Variants in PDHX observed in about 807,000 individuals in gnomAD.
PDHX encodes pyruvate dehydrogenase protein X component, mitochondrial.
A neutral mutation model predicts 55.3 loss-of-function variants in PDHX; 33 were observed. The observed-to-expected ratio is 0.60, with a 90% CI of 0.45 to 0.80. The LOEUF (loss-of-function observed/expected upper bound fraction) is 0.80, where lower values mean the gene tolerates loss of function less well. Ranked by LOEUF, PDHX falls within the 30% of genes least tolerant of loss-of-function variation. The pLI, the probability that PDHX is intolerant of heterozygous loss-of-function variation, is 0.00. For missense variants in PDHX, 622 were observed against 619.9 expected (o/e 1.00, Z -0.04); for synonymous variants, 226 against 219.4 (o/e 1.03, Z -0.27).
At chr11:34,936,791 T>TTTTC (rs1854326473) in intron 2 of PDHX, among the ~76,000 whole-genome samples, 1 of 118,444 alleles carries the variant, frequency 8.4e-6, no homozygotes, top group Non-Finnish European at 1.7e-5. Context: ...TTCTTTTTTT[T>TTTTC]TTTTTTTTTT....
chr11:34,955,607 T>C (rs1854888051), intron 3 of PDHX, among the ~76,000 whole-genome samples: 1 of 152,172 alleles, frequency 6.6e-6, no homozygotes, highest in Non-Finnish European at 1.5e-5. Flanking sequence ...TTATTTGATA[T>C]TTAGATAATG....
chr11:34,960,116 A>G (rs1854992296), intron 4 of PDHX, among the ~76,000 whole-genome samples: 1 of 152,218 alleles, frequency 6.6e-6, no homozygotes, highest in African/African-American at 2.4e-5. Flanking sequence ...GAAGGAAACA[A>G]TTGGTAGTTG....
chr11:34,922,242 ACT>A (rs1853900319), intron 1 of PDHX, among the ~76,000 whole-genome samples: 1 of 152,200 alleles, frequency 6.6e-6, no homozygotes, highest in African/African-American at 2.4e-5. Context: ...GGAATCACTA[ACT>A]CTGAGTACAT....
At position 34,957,572 on chromosome 11, in the gene PDHX, C is replaced by T. The variant is rs76486106; in HGVS notation, c.531C>T (p.Pro177=). 3.4e-3 allele frequency: 5,493 copies of T among 1,611,622 alleles called. 137 individuals carry two copies. In the African/African-American group the frequency reaches 0.058, roughly 17 times the overall value. Residue 177 remains proline, a synonymous_variant, in exon 4 of 11, where the codon CCC becomes CCT. Coordinates refer to ENST00000227868, the MANE Select transcript of PDHX (RefSeq NM_003477.3). Reference sequence around the variant, plus strand: ...TCCCTGTCAAGAAGGAACACATACCCGGGACACTACGGTGAGTATATATTT... The same window carrying T: ...TCCCTGTCAAGAAGGAACACATACCTGGGACACTACGGTGAGTATATATTT... ...ISIPVKKEHI[P]GTLRFRLSPA...
In PDHX at chr11:34,948,708, C is replaced by G. The variant is rs548557296; in HGVS notation, c.342+1102C>G. Among the ~76,000 whole-genome samples, 6 of 151,544 alleles carry G rather than the reference C, an allele frequency of 4.0e-5. No individual in the cohort carries two copies. The South Asian group carries it at 1.3e-3, about 32-fold the overall frequency. ...AACATGTTGATAATACAGTTAACTT[C>G]CTTGTAGGAATATGAATCAAAGCCT... is the stretch of plus-strand genomic sequence containing the variant. On this transcript the variant is annotated intron_variant, in intron 3 of 10. Coordinates refer to ENST00000227868, the MANE Select transcript of PDHX (RefSeq NM_003477.3).
chr11:34,933,583 C>T (rs1253374251), intron 2 of PDHX, among the ~76,000 whole-genome samples: 1 of 152,166 alleles, frequency 6.6e-6, no homozygotes, highest in Admixed American at 6.5e-5. Context: ...AATTTTCTAG[C>T]TCTTTCCCCT....
chr11:34,979,700 A>G (rs1230808052), intron 8 of PDHX, among the ~76,000 whole-genome samples: 1 of 152,148 alleles, frequency 6.6e-6, no homozygotes, highest in Non-Finnish European at 1.5e-5. Flanking sequence ...TGTGATTGAT[A>G]TCATTAATTG....
chr11:34,973,181 T>C (rs980461824), intron 7 of PDHX, among the ~76,000 whole-genome samples: 1 of 152,198 alleles, frequency 6.6e-6, no homozygotes, highest in African/African-American at 2.4e-5. Context: ...TTATGTCATG[T>C]CCTTATCTAT....
intron 9 of PDHX, among the ~76,000 whole-genome samples, chr11:34,988,946 T>G (rs1020236496): frequency 6.6e-6 from 1 of 152,238 alleles, no homozygotes; most frequent in Non-Finnish European, 1.5e-5. Flanking sequence ...AATTAAACTT[T>G]ATCATAATTG....
chr11:34,976,587 A>G (rs148103165), intron 7 of PDHX, among the ~76,000 whole-genome samples: 50 of 152,292 alleles, frequency 3.3e-4, no homozygotes, highest in African/African-American at 1.2e-3. Context: ...AAACCTTGGA[A>G]TTGGAACTGG....
At chr11:34,951,171 C>T (rs903537417) in intron 3 of PDHX, among the ~76,000 whole-genome samples, 1 of 151,282 alleles carries the variant, frequency 6.6e-6, no homozygotes, top group Non-Finnish European at 1.5e-5. Flanking sequence ...ATTCTCCTGC[C>T]TCAGCCTCCC....
chr11:34,966,823 C>T lies in PDHX; in HGVS notation c.816+9C>T, dbSNP rs1335485398. 1 of 1,606,576 alleles carries T rather than the reference C, an allele frequency of 6.2e-7. No individual in the cohort carries two copies. The highest frequency in any genetic ancestry group is 8.5e-7 in the Non-Finnish European group (1 of 1,173,324). ...GACAACCCAATGCAGTGGTAGTGTT[C>T]TCTAAGTGGATTTTTATTTCTTTTT... On this transcript the variant is annotated intron_variant, in intron 6 of 10. Coordinates refer to ENST00000227868, the MANE Select transcript of PDHX (RefSeq NM_003477.3).
intron 9 of PDHX, among the ~76,000 whole-genome samples, chr11:34,985,591 C>T (rs1855622887): frequency 6.6e-6 from 1 of 152,198 alleles, no homozygotes; most frequent in Non-Finnish European, 1.5e-5. Flanking sequence ...AGTAGGGCAG[C>T]TTTGACAGCC....
rs531969336 is a variant in PDHX at position 34,925,087 on chromosome 11, GT to G, written c.161-6311del. Among the ~76,000 whole-genome samples the G allele has an allele frequency of 7.9e-4, 120 of 152,208 alleles. 2 individuals are homozygous for G. Among genetic ancestry groups the G allele is most frequent in the Admixed American group, 1.2e-3 (18 of 15,296 alleles). On this transcript the variant is annotated intron_variant, in intron 1 of 10. Coordinates refer to ENST00000227868, the MANE Select transcript of PDHX (RefSeq NM_003477.3). Reference sequence around the variant, plus strand: ...TTGCTGCCCTTTAAATTTTTAGTTAGTTTTTTCTGTGATAATTTCTAATTTA... The same window carrying G: ...TTGCTGCCCTTTAAATTTTTAGTTAGTTTTTCTGTGATAATTTCTAATTTA...
intron 4 of PDHX, among the ~76,000 whole-genome samples, chr11:34,958,115 C>T (rs990251690): frequency 6.6e-6 from 1 of 152,162 alleles, no homozygotes; most frequent in African/African-American, 2.4e-5. Flanking sequence ...TTTAGTTTTA[C>T]ATTGCTTTAA....
At chr11:34,936,789 T>C (rs1401260692) in intron 2 of PDHX, among the ~76,000 whole-genome samples, 1 of 120,976 alleles carries the variant, frequency 8.3e-6, no homozygotes, top group South Asian at 3.1e-4. Flanking sequence ...TTTTCTTTTT[T>C]TTTTTTTTTT....
chr11:34,948,857 A>G (rs1327668872), intron 3 of PDHX, among the ~76,000 whole-genome samples: 4 of 152,186 alleles, frequency 2.6e-5, no homozygotes, highest in Non-Finnish European at 5.9e-5. Flanking sequence ...ACCCAGCTAC[A>G]TTTTATTATG....
intron 8 of PDHX, among the ~76,000 whole-genome samples, chr11:34,983,750 A>C (rs1295970966): frequency 1.3e-5 from 2 of 152,194 alleles, no homozygotes; most frequent in Admixed American, 6.5e-5. Context: ...GAGAACTACA[A>C]ACCACTGCTC....
At chr11:34,925,307 A>G (rs1016851578) in intron 1 of PDHX, among the ~76,000 whole-genome samples, 2 of 152,216 alleles carry the variant, frequency 1.3e-5, no homozygotes, top group Admixed American at 6.5e-5. Flanking sequence ...GTTGTTACCT[A>G]CCACTGGATT....
Sources: gnomAD v4.1 joint callset for allele counts (sites outside exome capture counted in the v4.1 genomes callset) on GRCh38, gnomAD v4.1.1 for gene constraint, MANE v1.5 for transcripts, NCBI Gene and HGNC (gene_info 2026-07-23, HGNC 2026-07-21) for gene names.